The following SHLD1 variants were observed in gnomAD, a reference collection of about 807,000 sequenced individuals.
SHLD1 encodes the protein shieldin complex subunit 1, also known as RINN1-REV7-interacting novel NHEJ regulator 3.
Under a neutral mutation model 5.5 loss-of-function variants are expected in SHLD1, and 3 were observed. That is an observed-to-expected ratio of 0.54 (90% CI 0.25 to 1.40). The LOEUF (loss-of-function observed/expected upper bound fraction) is 1.40, where lower values mean the gene tolerates loss of function less well. SHLD1 is among the 40% of genes most tolerant of loss of function. SHLD1 has a pLI of 0.15. For missense variants in SHLD1, 210 were observed against 244.4 expected, an observed-to-expected ratio of 0.86 and a Z score of 0.94; for synonymous variants, 92 against 94.3, an observed-to-expected ratio of 0.98 and a Z score of 0.14.
At chr20:5,815,695 A>G (rs1568516429) in intron 2 of SHLD1, among the ~76,000 whole-genome samples, 1 of 152,226 alleles carries the variant, frequency 6.6e-6, no homozygotes, top group Non-Finnish European at 1.5e-5. Flanking sequence ...CCCCATAACC[A>G]CTGAAAGTCT....
intron 1 of SHLD1, among the ~76,000 whole-genome samples, chr20:5,763,285 C>A (rs2122205446): frequency 2.2e-5 from 2 of 90,030 alleles, no homozygotes; most frequent in African/African-American, 4.4e-5. Context: ...AGCAAAACTC[C>A]ATCTCAAAAA....
rs373140595 is a variant in SHLD1, at chr20:5,835,983, A to G, written c.179-27041A>G. ...TACTAACATGACCGATCGGAGGTTAAATAAAACTTCCAAAGCAGGACCAGG... is the reference window on the plus strand; with the variant it reads ...TACTAACATGACCGATCGGAGGTTAGATAAAACTTCCAAAGCAGGACCAGG... On this transcript the variant is annotated intron_variant, in intron 2 of 2. Coordinates refer to ENST00000303142, the MANE Select transcript of SHLD1 (RefSeq NM_152504.4). 1.6e-4 allele frequency among the ~76,000 whole-genome samples: 25 copies of G among 152,344 alleles called. No homozygotes were observed. The South Asian group carries it at 5.0e-3, about 30-fold the overall frequency.
At chr20:5,828,607 A>G (rs2087693058) in intron 2 of SHLD1, among the ~76,000 whole-genome samples, 1 of 152,196 alleles carries the variant, frequency 6.6e-6, no homozygotes, top group African/African-American at 2.4e-5. Context: ...ACCATAAGGA[A>G]TATAGTAATA....
intron 2 of SHLD1, among the ~76,000 whole-genome samples, chr20:5,789,105 G>T (rs1424864552): frequency 6.6e-6 from 1 of 151,832 alleles, no homozygotes; most frequent in Admixed American, 6.6e-5. Context: ...TCCAGCCTGG[G>T]AGACAGAGAG....
intron 2 of SHLD1, among the ~76,000 whole-genome samples, chr20:5,775,985 T>C (rs183582599): frequency 2.6e-3 from 360 of 137,238 alleles, no homozygotes; most frequent in African/African-American, 9.6e-3. Flanking sequence ...TAGAGCACAG[T>C]GGCGTGATCT....
intron 2 of SHLD1, among the ~76,000 whole-genome samples, chr20:5,848,202 A>C (rs1027728821): frequency 1.3e-5 from 2 of 152,214 alleles, no homozygotes; most frequent in African/African-American, 4.8e-5. Flanking sequence ...ATATGGATAC[A>C]TATATATGTG....
At chr20:5,850,112 CAATAATAAT>C (rs113975793) in intron 2 of SHLD1, among the ~76,000 whole-genome samples, 6,528 of 130,214 alleles carry the variant, frequency 0.05, 192 homozygotes, top group African/African-American at 0.071. Context: ...GACCCCGTCT[CAATAATAAT>C]AATAATAATA....
chr20:5,786,536 C>T (rs1278783091), intron 2 of SHLD1, among the ~76,000 whole-genome samples: 1 of 152,018 alleles, frequency 6.6e-6, no homozygotes, highest in African/African-American at 2.4e-5. Flanking sequence ...AGTCGTGCCA[C>T]TGCACTTTAA....
At chr20:5,845,693 C>T (rs1480118120) in intron 2 of SHLD1, among the ~76,000 whole-genome samples, 1 of 152,184 alleles carries the variant, frequency 6.6e-6, no homozygotes, top group Non-Finnish European at 1.5e-5. Context: ...TGTTATCCTG[C>T]TTGATCACCT....
intron 2 of SHLD1, among the ~76,000 whole-genome samples, chr20:5,793,321 T>G (rs2087168465): frequency 1.3e-5 from 2 of 152,158 alleles, no homozygotes; most frequent in South Asian, 4.1e-4. Context: ...GCATGTAAAT[T>G]TATGTATTTT....
At chr20:5,810,421 G>A (rs975128794) in intron 2 of SHLD1, among the ~76,000 whole-genome samples, 4 of 152,022 alleles carry the variant, frequency 2.6e-5, no homozygotes, top group African/African-American at 7.3e-5. Flanking sequence ...GGGACCTTCC[G>A]AGCCATTTAA....
At chr20:5,813,689 G>A (rs185636349) in intron 2 of SHLD1, among the ~76,000 whole-genome samples, 2 of 152,116 alleles carry the variant, frequency 1.3e-5, no homozygotes, top group East Asian at 3.9e-4. Context: ...GAAGAATTTT[G>A]GTATTAAAGG....
chr20:5,846,128 A>G (rs1028179290), intron 2 of SHLD1, among the ~76,000 whole-genome samples: 1 of 152,332 alleles, frequency 6.6e-6, no homozygotes, highest in South Asian at 2.1e-4. Context: ...AAATGTCAAC[A>G]CTGAAACTGG....
chr20:5,780,625 T>C (rs983584143), intron 2 of SHLD1, among the ~76,000 whole-genome samples: 2 of 152,194 alleles, frequency 1.3e-5, no homozygotes, highest in Non-Finnish European at 2.9e-5. Flanking sequence ...GGCCCAGGCT[T>C]AGGCTTAACT....
intron 2 of SHLD1, among the ~76,000 whole-genome samples, chr20:5,781,994 C>T (rs1380982268): frequency 6.6e-6 from 1 of 152,190 alleles, no homozygotes; most frequent in African/African-American, 2.4e-5. Flanking sequence ...TAACACAGGC[C>T]TGCCAGTCCT....
chr20:5,798,032 A>G (rs991351927), intron 2 of SHLD1, among the ~76,000 whole-genome samples: 1 of 152,196 alleles, frequency 6.6e-6, no homozygotes, highest in Non-Finnish European at 1.5e-5. Context: ...GATGTGCTTC[A>G]GCTGAGTGGT....
intron 2 of SHLD1, among the ~76,000 whole-genome samples, chr20:5,852,786 C>T (rs752179189): frequency 3.3e-5 from 5 of 152,136 alleles, no homozygotes; most frequent in Admixed American, 6.6e-5. Flanking sequence ...GACTTCCTTA[C>T]TTTTATTGCT....
At position 5,779,972 on chromosome 20, in the gene SHLD1, GTT is replaced by G. The variant is rs11381238; in HGVS notation, c.178+6951_178+6952del. The stretch of plus-strand genomic sequence containing the variant: ...ACTTGGCATAGTTTTTACAATTTCT[GTT>G]TTTTTTTTTTTTTTTTTTTTTGGAG... On this transcript the variant is annotated intron_variant, in intron 2 of 2. Transcript: ENST00000303142. 7.4e-3 allele frequency among the ~76,000 whole-genome samples: 606 copies of G among 81,734 alleles called. 4 individuals carry two copies. Among genetic ancestry groups the G allele is most frequent in the African/African-American group, 0.028 (574 of 20,480 alleles). 53.6% of individuals were successfully genotyped at this position (81,734 alleles called of 152,430 possible). A position where few individuals can be genotyped will look rare whatever the true frequency, so the allele number is the denominator to read the frequency against.
chr20:5,832,160 CA>C (rs2087736329), intron 2 of SHLD1, among the ~76,000 whole-genome samples: 1 of 152,220 alleles, frequency 6.6e-6, no homozygotes, highest in South Asian at 2.1e-4. Context: ...AGGCTGGTCT[CA>C]AACTCCTGGC....
Sources: gnomAD v4.1 joint callset for allele counts (sites outside exome capture counted in the v4.1 genomes callset) on GRCh38, gnomAD v4.1.1 for gene constraint, MANE v1.5 for transcripts, NCBI Gene and HGNC (gene_info 2026-07-23, HGNC 2026-07-21) for gene names.